The following DOCK2 variants were observed in gnomAD, a reference collection of about 807,000 sequenced individuals.
DOCK2 encodes the protein dedicator of cytokinesis 2, also known as dedicator of cytokinesis protein 2.
In DOCK2, 87 loss-of-function variants were observed where a neutral mutation model predicts 248.9. The observed-to-expected ratio is 0.35, with a 90% CI of 0.29 to 0.42. The LOEUF (loss-of-function observed/expected upper bound fraction) is 0.42. Ranked by LOEUF, DOCK2 falls within the 10% of genes least tolerant of loss-of-function variation. DOCK2 has a pLI of 1.00. For synonymous variants in DOCK2, 805 were observed against 821.6 expected, an observed-to-expected ratio of 0.98 and a Z score of 0.35; for missense variants, 1,747 against 2,300.2, an observed-to-expected ratio of 0.76 and a Z score of 4.92.
intron 26 of DOCK2, 38 bp downstream of exon 26, chr5:169,803,244 A>T (rs781150285): frequency 6.2e-7 from 1 of 1,600,256 alleles, no homozygotes; most frequent in South Asian, 1.1e-5. Flanking sequence ...CTGGACTCAG[A>T]CTAGGGCTAA....
chr5:169,737,142 A>G (rs7711432), intron 22 of DOCK2, among the ~76,000 whole-genome samples: 2 of 152,206 alleles, frequency 1.3e-5, no homozygotes, highest in Non-Finnish European at 2.9e-5. Flanking sequence ...CTGAGGAAGT[A>G]CCATCTAAGC....
chr5:169,953,202 G>A (rs951858637), intron 27 of DOCK2, among the ~76,000 whole-genome samples: 1 of 151,828 alleles, frequency 6.6e-6, no homozygotes, highest in Non-Finnish European at 1.5e-5. Flanking sequence ...GTGTGGTGGT[G>A]GGTGCCTGTA....
At chr5:169,875,230 C>T (rs1772251457) in intron 27 of DOCK2, 2 of 456,550 alleles carry the variant, frequency 4.4e-6, no homozygotes, top group African/African-American at 4.0e-5. Flanking sequence ...TCCCAGGGAG[C>T]TTGCTGCAAC....
chr5:169,862,476 GC>G (rs2113412412), intron 27 of DOCK2, among the ~76,000 whole-genome samples: 1 of 152,174 alleles, frequency 6.6e-6, no homozygotes, highest in Admixed American at 6.6e-5. Context: ...CATTGCTGGG[GC>G]CAACTGACAG....
intron 14 of DOCK2, among the ~76,000 whole-genome samples, chr5:169,706,303 C>T (rs755798392): frequency 2.6e-5 from 4 of 152,336 alleles, no homozygotes; most frequent in Non-Finnish European, 5.9e-5. Context: ...TACAGAAACT[C>T]TAAGCCCATA....
chr5:169,657,762 G>A (rs1758205074), intron 2 of DOCK2, among the ~76,000 whole-genome samples: 1 of 152,124 alleles, frequency 6.6e-6, no homozygotes, highest in East Asian at 1.9e-4. Context: ...AGTTTGGGAT[G>A]TTTTCTTTCC....
chr5:169,824,649 A>T (rs1431300391), intron 26 of DOCK2, among the ~76,000 whole-genome samples: 1 of 152,276 alleles, frequency 6.6e-6, no homozygotes, highest in Non-Finnish European at 1.5e-5. Context: ...CTTAAATGTT[A>T]GACCTAAAAC....
intron 2 of DOCK2, among the ~76,000 whole-genome samples, chr5:169,659,325 C>T (rs1758315732): frequency 6.6e-6 from 1 of 152,078 alleles, no homozygotes; most frequent in African/African-American, 2.4e-5. Flanking sequence ...TGCTCCTGAG[C>T]TTCTTATGGG....
intron 1 of DOCK2, among the ~76,000 whole-genome samples, chr5:169,645,304 C>T (rs754389868): frequency 1.3e-5 from 2 of 152,168 alleles, no homozygotes; most frequent in African/African-American, 2.4e-5. Flanking sequence ...TCTATAGTTT[C>T]TTGACTTTTT....
chr5:169,660,132 G>A (rs944051333), intron 2 of DOCK2, among the ~76,000 whole-genome samples: 3 of 152,188 alleles, frequency 2.0e-5, no homozygotes, highest in Admixed American at 2.0e-4. Flanking sequence ...ACATCTTTGT[G>A]TGAAGCTCCT....
At chr5:169,974,591 CAT>C (rs1561861230) in intron 27 of DOCK2, among the ~76,000 whole-genome samples, 1 of 152,138 alleles carries the variant, frequency 6.6e-6, no homozygotes, top group Non-Finnish European at 1.5e-5. Flanking sequence ...CCTGGATGCA[CAT>C]GTTTGCAGGA....
At chr5:170,076,397 A>T (rs574787744) in intron 47 of DOCK2, among the ~76,000 whole-genome samples, 1 of 152,338 alleles carries the variant, frequency 6.6e-6, no homozygotes, top group African/African-American at 2.4e-5. Flanking sequence ...AGCACTTGAC[A>T]TCTACTAGGT....
intron 32 of DOCK2, among the ~76,000 whole-genome samples, chr5:170,012,845 T>C (rs958641627): frequency 6.6e-6 from 1 of 152,200 alleles, no homozygotes; most frequent in Non-Finnish European, 1.5e-5. Context: ...TTAACATTCG[T>C]TGTGGGAAAG....
chr5:169,756,504 T>G (rs764411948), intron 23 of DOCK2, among the ~76,000 whole-genome samples: 1 of 152,224 alleles, frequency 6.6e-6, no homozygotes, highest in African/African-American at 2.4e-5. Context: ...CACACCATCA[T>G]GAAGAGGCTG....
chr5:169,879,409 T>C (rs979026590), intron 27 of DOCK2, among the ~76,000 whole-genome samples: 5 of 152,206 alleles, frequency 3.3e-5, no homozygotes, highest in African/African-American at 1.2e-4. Context: ...GTTACTACGA[T>C]GGGGCTGTTC....
At chr5:169,996,932 G>GA (rs1754659296) in intron 30 of DOCK2, among the ~76,000 whole-genome samples, 1 of 152,198 alleles carries the variant, frequency 6.6e-6, no homozygotes, top group Non-Finnish European at 1.5e-5. Flanking sequence ...TGGGACGAGA[G>GA]ATTTGGAAAA....
chr5:169,919,161 G>T (rs1329293490), intron 27 of DOCK2, among the ~76,000 whole-genome samples: 2 of 152,166 alleles, frequency 1.3e-5, no homozygotes, highest in African/African-American at 2.4e-5. Flanking sequence ...TTAAAACTAT[G>T]TTCCAGAGGT....
At chr5:169,746,647 G>A (rs262837) in intron 22 of DOCK2, among the ~76,000 whole-genome samples, 23,384 of 152,126 alleles carry the variant, frequency 0.15, 2,326 homozygotes, top group African/African-American at 0.27. Flanking sequence ...CTAAGGCTGG[G>A]GGAAGGGGTT....
intron 26 of DOCK2, among the ~76,000 whole-genome samples, chr5:169,804,841 A>G (rs1401541281): frequency 6.6e-6 from 1 of 151,926 alleles, no homozygotes; most frequent in African/African-American, 2.4e-5. Context: ...TTTTCTTTCT[A>G]CTCCTACCTC....
Sources: gnomAD v4.1 joint callset for allele counts (sites outside exome capture counted in the v4.1 genomes callset) on GRCh38, gnomAD v4.1.1 for gene constraint, MANE v1.5 for transcripts, NCBI Gene and HGNC (gene_info 2026-07-23, HGNC 2026-07-21) for gene names.